CEP135: variants seen among roughly 807,000 people sequenced by gnomAD.
The protein encoded by CEP135 is centrosomal protein of 135 kDa.
CEP135 carries 142 observed loss-of-function variants against 157.3 expected under a neutral mutation model. The observed-to-expected ratio is 0.90, with a 90% CI of 0.79 to 1.04. The LOEUF (loss-of-function observed/expected upper bound fraction) is 1.04. Ranked by LOEUF, CEP135 falls within the 50% of genes least tolerant of loss-of-function variation. The pLI is 0.00. For synonymous variants in CEP135, 396 were observed against 439.8 expected, an observed-to-expected ratio of 0.90 and a Z score of 1.25; for missense variants, 1,317 against 1,309.2, an observed-to-expected ratio of 1.01 and a Z score of -0.09.
intron 1 of CEP135, among the ~76,000 whole-genome samples, chr4:55,951,327 T>C (rs1728356014): frequency 6.6e-6 from 1 of 152,240 alleles, no homozygotes; most frequent in African/African-American, 2.4e-5. Flanking sequence ...CCAGACTTTT[T>C]CCAAAGTGAT....
intron 14 of CEP135, among the ~76,000 whole-genome samples, chr4:55,985,739 C>G (rs1424424348): frequency 6.6e-6 from 1 of 152,152 alleles, no homozygotes; most frequent in African/African-American, 2.4e-5. Flanking sequence ...GGGATTACAG[C>G]ATGAGCCACC....
chr4:55,954,191 G>A (rs528096929), intron 3 of CEP135, 25 bp from the exon 4 acceptor site: 2 of 1,546,914 alleles, frequency 1.3e-6, no homozygotes, highest in Non-Finnish European at 1.7e-6. Context: ...CTTTAAAACG[G>A]TCTTTGAATC....
intron 21 of CEP135, among the ~76,000 whole-genome samples, chr4:56,013,470 C>A (rs1345047442): frequency 6.6e-6 from 1 of 151,954 alleles, no homozygotes; most frequent in Non-Finnish European, 1.5e-5. Flanking sequence ...AAGCTTTTCC[C>A]CTATGTTTTC....
At chr4:56,020,625 G>T in intron 23 of CEP135, 51 bp from the exon 24 acceptor site, 2 of 1,473,460 alleles carry the variant, frequency 1.4e-6, no homozygotes, top group South Asian at 2.3e-5. Context: ...CACAGCACCT[G>T]ACTCTACAAA....
At chr4:55,993,897 G>A (rs1729877620) in intron 15 of CEP135, among the ~76,000 whole-genome samples, 1 of 152,116 alleles carries the variant, frequency 6.6e-6, no homozygotes, top group Admixed American at 6.5e-5. Context: ...TTCAGTCACT[G>A]GGCTATTGTG....
At chr4:56,019,648 AAGAT>A (rs1446444102) in intron 23 of CEP135, 93 bp downstream of exon 23, 9 of 1,037,746 alleles carry the variant, frequency 8.7e-6, no homozygotes, top group East Asian at 5.2e-5. Flanking sequence ...AAGAGTATGA[AAGAT>A]AGGCCAGGTG....
At position 56,017,835 on chromosome 4, in the gene CEP135, C is replaced by A. The variant is rs146076380; in HGVS notation, c.2990C>A (p.Ser997Ter). 7 of 1,612,514 alleles carry A rather than the reference C, an allele frequency of 4.3e-6. No homozygotes were observed. The highest frequency in any genetic ancestry group is 1.3e-5 in the African/African-American group (1 of 74,972). Residue 997 changes from serine (S) to a stop codon, truncating the protein, a stop_gained, in exon 22 of 26, where the codon TCG becomes TAG. Coordinates refer to ENST00000257287, the MANE Select transcript of CEP135 (RefSeq NM_025009.5). LOFTEE classifies it high-confidence loss of function. ...GKDIMTQQLN[S>*]KNLEFERVVV... ...GATATTATGACCCAGCAATTGAATTCGAAAAACCTTGAGTTTGAGAGGGTA... is the reference window on the plus strand; with the variant it reads ...GATATTATGACCCAGCAATTGAATTAGAAAAACCTTGAGTTTGAGAGGGTA...
intron 21 of CEP135, 98 bp from the exon 22 acceptor site, chr4:56,017,550 C>A: frequency 9.2e-7 from 1 of 1,081,312 alleles, no homozygotes; most frequent in Non-Finnish European, 1.3e-6. Flanking sequence ...AATTGGCTGT[C>A]ATATTTTTCT....
chr4:55,949,438 G>A (rs1207690234), intron 1 of CEP135, among the ~76,000 whole-genome samples: 1 of 152,234 alleles, frequency 6.6e-6, no homozygotes, highest in Non-Finnish European at 1.5e-5. Context: ...TAACAAAAAT[G>A]TCGCAAAGCG....
Position 55,999,642 on chromosome 4 carries a change from TAA to T in CEP135, c.2279_2280del (p.Lys760ArgfsTer15), listed in dbSNP as rs776164815. ...CAAATTTGCAAGAAAACCTAGCTAA[TAA>T]AGTATGTGATCGTTTAATGTAATTT... The part of the protein sequence containing the change: ...IANLQENLAN[K>X]EKAVAQMKIM... On this transcript the variant is annotated frameshift_variant and splice_region_variant, in exon 17 of 26. Coordinates refer to ENST00000257287, the MANE Select transcript of CEP135 (RefSeq NM_025009.5). LOFTEE classifies it high-confidence loss of function. 1 of 1,585,350 alleles carries T rather than the reference TAA, an allele frequency of 6.3e-7. No individual in the cohort carries two copies. The highest frequency in any genetic ancestry group is 2.0e-5 in the Admixed American group (1 of 50,626).
intron 19 of CEP135, among the ~76,000 whole-genome samples, chr4:56,010,446 G>T (rs190318838): frequency 1.7e-3 from 264 of 151,954 alleles, no homozygotes; most frequent in Non-Finnish European, 2.1e-3. Context: ...ATATCACAGG[G>T]TGTCTAATGG....
At chr4:55,984,857 G>T (rs6815354) in intron 13 of CEP135, among the ~76,000 whole-genome samples, 32,001 of 152,092 alleles carry the variant, frequency 0.21, 3,546 homozygotes, top group Non-Finnish European at 0.26. Flanking sequence ...GCATGGCCTT[G>T]TAGTATTGTG....
intron 17 of CEP135, among the ~76,000 whole-genome samples, chr4:56,001,270 A>G (rs1046598780): frequency 6.6e-6 from 1 of 152,120 alleles, no homozygotes; most frequent in African/African-American, 2.4e-5. Flanking sequence ...ATGTAATCCC[A>G]TTTGTCTCTT....
intron 17 of CEP135, among the ~76,000 whole-genome samples, chr4:56,004,129 G>T (rs954806450): frequency 1.3e-5 from 2 of 152,150 alleles, no homozygotes; most frequent in Non-Finnish European, 2.9e-5. Context: ...TTTGTTTCAA[G>T]AATTTTTTTA....
At position 56,019,493 on chromosome 4, in the gene CEP135, C is replaced by A. The variant is rs764153475; in HGVS notation, c.3153C>A (p.Ser1051=). 15 of 1,613,876 alleles carry A rather than the reference C, an allele frequency of 9.3e-6. No individual in the cohort carries two copies. The East Asian group carries it at 3.1e-4, about 34-fold the overall frequency. ...AAGAATTTCATTCTCACTTAACCTC[C>A]CACGAGAAGGATACAGAAATCCAGC... ...RDKEFHSHLT[S]HEKDTEIQLL... The change falls in exon 23 of 26, where the codon TCC becomes TCA. Residue 1051 remains serine, a synonymous_variant. Coordinates refer to ENST00000257287, the MANE Select transcript of CEP135 (RefSeq NM_025009.5).
chr4:55,954,153 A>G (rs1728439988), intron 3 of CEP135, 63 bp from the exon 4 acceptor site: 1 of 1,420,908 alleles, frequency 7.0e-7, no homozygotes, highest in Non-Finnish European at 9.4e-7. Flanking sequence ...ATTTTGTGAA[A>G]TGGAAAAACT....
In CEP135 at chr4:56,019,673, C is replaced by T. The variant is rs1560425475; in HGVS notation, c.3215+118C>T. ...AAGATAGGCCAGGTGCAGTGGCTCACACCTGTAATCCCAGCACTTTGGGAG... is the reference window on the plus strand; with the variant it reads ...AAGATAGGCCAGGTGCAGTGGCTCATACCTGTAATCCCAGCACTTTGGGAG... On this transcript the variant is annotated intron_variant, in intron 23 of 25. Transcript: ENST00000257287. 3 of 741,140 alleles carry T rather than the reference C, an allele frequency of 4.0e-6. No individual in the cohort carries two copies. In the Admixed American group the frequency reaches 9.2e-5, roughly 23 times the overall value. 45.9% of individuals were successfully genotyped at this position (741,140 alleles called of 1,614,324 possible).
At chr4:55,986,009 C>T (rs1337674204) in intron 14 of CEP135, among the ~76,000 whole-genome samples, 1 of 152,122 alleles carries the variant, frequency 6.6e-6, no homozygotes, top group Non-Finnish European at 1.5e-5. Flanking sequence ...ACTCTGAAGG[C>T]TGATTACTTG....
intron 3 of CEP135, among the ~76,000 whole-genome samples, chr4:55,953,971 T>A (rs1250921433): frequency 6.6e-6 from 1 of 152,224 alleles, no homozygotes; most frequent in African/African-American, 2.4e-5. Flanking sequence ...ATTTACTGGA[T>A]CAAAAGCTAT....
Sources: gnomAD v4.1 joint callset for allele counts (sites outside exome capture counted in the v4.1 genomes callset) on GRCh38, gnomAD v4.1.1 for gene constraint, MANE v1.5 for transcripts, NCBI Gene and HGNC (gene_info 2026-07-23, HGNC 2026-07-21) for gene names.